DST: variants seen among roughly 807,000 people sequenced by gnomAD.
DST encodes bullous pemphigoid antigen.
A neutral mutation model predicts 875.2 loss-of-function variants in DST; 253 were observed. The observed-to-expected ratio is 0.29, with a 90% CI of 0.26 to 0.32. The LOEUF is 0.32. Among genes scored for constraint, DST ranks in the 10% least tolerant of loss-of-function variants. DST has a pLI of 1.00. For synonymous variants in DST, 3,124 were observed against 3,197.1 expected, an observed-to-expected ratio of 0.98 and a Z score of 0.77; for missense variants, 8,287 against 9,111.6, an observed-to-expected ratio of 0.91 and a Z score of 3.68.
At chr6:56,618,488 A>C (rs1563227746) in intron 36 of DST, 1 of 1,614,106 alleles carries the variant, frequency 6.2e-7, no homozygotes, top group Non-Finnish European at 8.5e-7. Context: ...CTGTTGGTCC[A>C]TTTTTTGCTT....
chr6:56,588,984 G>GACC (rs1312137835), intron 49 of DST, among the ~76,000 whole-genome samples: 5 of 152,148 alleles, frequency 3.3e-5, no homozygotes, highest in Non-Finnish European at 5.9e-5. Context: ...ACTGAATCTA[G>GACC]ACCACAGGGA....
chr6:56,904,373 G>A lies in DST; in HGVS notation c.217-3752C>T, dbSNP rs149847143. ...TATTACTTACTAGGTGTGTGGTCTT[G>A]GCTAAATTACTTCTCTGTGCCTTGC... is the stretch of plus-strand genomic sequence containing the variant. On this transcript the variant is annotated intron_variant, in intron 2 of 103. Coordinates refer to ENST00000680361, the MANE Select transcript of DST (RefSeq NM_001374736.1). Among the ~76,000 whole-genome samples, 263 of 152,222 alleles carry A rather than the reference G, an allele frequency of 1.7e-3. 2 individuals carry two copies. The highest frequency in any genetic ancestry group is 0.014 in the Middle Eastern group (4 of 294).
chr6:56,532,885 T>G (rs952121639), intron 63 of DST, among the ~76,000 whole-genome samples: 1 of 152,222 alleles, frequency 6.6e-6, no homozygotes, highest in Non-Finnish European at 1.5e-5. Context: ...ATTCAACAAC[T>G]ATCTGTCCTG....
Position 56,620,732 on chromosome 6 carries a change from G to T in DST, c.4929+3798C>A, listed in dbSNP as rs756329626. ...CCTTTTAATCTACAAAAGACATTTT[G>T]AAAGTGTCAAGCCTGTTCTGTTCAA... On this transcript the variant is annotated intron_variant, in intron 36 of 103. Coordinates refer to ENST00000680361, the MANE Select transcript of DST (RefSeq NM_001374736.1). The T allele has an allele frequency of 1.7e-5, 27 of 1,602,394 alleles. No individual in the cohort carries two copies. The South Asian group carries it at 3.0e-4, about 18-fold the overall frequency.
chr6:56,853,291 T>C (rs1479433974), intron 3 of DST, among the ~76,000 whole-genome samples: 3 of 152,222 alleles, frequency 2.0e-5, no homozygotes. Flanking sequence ...TTCTGTATTG[T>C]AGCTACAATC....
intron 61 of DST, among the ~76,000 whole-genome samples, chr6:56,550,176 T>G (rs977300482): frequency 6.6e-6 from 1 of 152,204 alleles, no homozygotes; most frequent in African/African-American, 2.4e-5. Context: ...CATAATCATA[T>G]TCTTGTCCTT....
intron 58 of DST, among the ~76,000 whole-genome samples, chr6:56,558,719 T>C (rs2152563601): frequency 6.6e-6 from 1 of 152,262 alleles, no homozygotes; most frequent in Non-Finnish European, 1.5e-5. Context: ...TGAAGACCAT[T>C]GCCTGACATT....
chr6:56,672,920 G>A (rs760614590), intron 9 of DST, among the ~76,000 whole-genome samples: 14 of 152,022 alleles, frequency 9.2e-5, no homozygotes, highest in Non-Finnish European at 2.1e-4. Context: ...GAAAATCTAC[G>A]ATCGCAACGG....
In DST at chr6:56,602,814, A is replaced by G. The variant is rs559418377; in HGVS notation, c.11307+68T>C. ...TAGCCTTAGCAAAGTCATATTTTCT[A>G]AACACTTGTTATATATTAAAGTCAT... is the stretch of plus-strand genomic sequence containing the variant. On this transcript the variant is annotated intron_variant, in intron 43 of 103. Transcript: ENST00000680361. 81 of 1,210,768 alleles carry G rather than the reference A, an allele frequency of 6.7e-5. 1 individual carries two copies. The South Asian group carries it at 1.5e-3, about 23-fold the overall frequency. 75.0% of individuals were successfully genotyped at this position (1,210,768 alleles called of 1,614,324 possible).
intron 9 of DST, among the ~76,000 whole-genome samples, chr6:56,677,344 G>T (rs927029514): frequency 5.9e-5 from 9 of 151,696 alleles, no homozygotes; most frequent in African/African-American, 1.5e-4. Context: ...CTGAGATGGG[G>T]TCTCACTCTG....
At chr6:56,814,696 A>G (rs2099764536) in intron 4 of DST, among the ~76,000 whole-genome samples, 1 of 152,206 alleles carries the variant, frequency 6.6e-6, no homozygotes, top group Admixed American at 6.5e-5. Context: ...AAAAATGAAA[A>G]TGAACTCTCT....
Position 56,568,501 on chromosome 6 carries a change from G to T in DST, c.13973C>A (p.Thr4658Asn). ...SLCNLISAVT[T>N]PAKAIAAVKS... ...AACTGCTGCTATTGCCTTTGCAGGGGTGGTCACAGCACTTATTAAGTTACA... is the reference window on the plus strand; with the variant it reads ...AACTGCTGCTATTGCCTTTGCAGGGTTGGTCACAGCACTTATTAAGTTACA... The change falls in exon 55 of 104, where the codon ACC becomes AAC. Residue 4658 changes from threonine (T) to asparagine (N), a missense_variant. Physicochemically the swap from Thr to Asn is moderately conservative, Grantham distance 65. This residue lies in a region of DST where 1,513 missense variants were observed against 1,677.8 expected (regional missense o/e 0.90). Coordinates refer to ENST00000680361, the MANE Select transcript of DST (RefSeq NM_001374736.1). 6.2e-7 allele frequency: 1 copy of T among 1,610,258 alleles called. No individual in the cohort carries two copies. Among genetic ancestry groups the T allele is most frequent in the African/African-American group, 1.3e-5 (1 of 74,892 alleles).
Position 56,580,910 on chromosome 6 carries a change from T to C in DST, c.12904-1973A>G, listed in dbSNP as rs569697710. ...ACCATGCCCAGCTAATTTTTTTGTA[T>C]TTTTTGTAGAGCCAGGGTTTTGCCA... On this transcript the variant is annotated intron_variant, in intron 49 of 103. Coordinates refer to ENST00000680361, the MANE Select transcript of DST (RefSeq NM_001374736.1). Among the ~76,000 whole-genome samples, 410 of 151,360 alleles carry C rather than the reference T, an allele frequency of 2.7e-3. 1 individual carries two copies. The highest frequency in any genetic ancestry group is 4.4e-3 in the Non-Finnish European group (297 of 67,818).
chr6:56,949,024 C>A (rs1202209868), intron 2 of DST, among the ~76,000 whole-genome samples: 1 of 152,148 alleles, frequency 6.6e-6, no homozygotes, highest in East Asian at 1.9e-4. Flanking sequence ...AGAGCTAGAA[C>A]CCAAAACCAG....
rs1056991443 is a variant in DST, at chr6:56,877,136, C to T, written c.417+23285G>A. On this transcript the variant is annotated intron_variant, in intron 3 of 103. Coordinates refer to ENST00000680361, the MANE Select transcript of DST (RefSeq NM_001374736.1). Reference sequence around the variant, plus strand: ...TAGATACCTGGCTCTGATCAAATGTCACCTTATCAAAGAATGTTCCCTGAC... The same window carrying T: ...TAGATACCTGGCTCTGATCAAATGTTACCTTATCAAAGAATGTTCCCTGAC... Among the ~76,000 whole-genome samples the T allele has an allele frequency of 2.8e-4, 42 of 152,192 alleles. 1 individual carries two copies. The highest frequency in any genetic ancestry group is 2.8e-4 in the Non-Finnish European group (19 of 68,040).
Position 56,861,338 on chromosome 6 carries a change from G to C in DST, c.418-9734C>G, listed in dbSNP as rs144563840. On this transcript the variant is annotated intron_variant, in intron 3 of 103. Coordinates refer to ENST00000680361, the MANE Select transcript of DST (RefSeq NM_001374736.1). ...GAAAACAATTCTGCTGCTACCTTAA[G>C]CTGCACCCAATCGGAACCAGGGATC... Among the ~76,000 whole-genome samples, 8 of 152,300 alleles carry C rather than the reference G, an allele frequency of 5.3e-5. No individual in the cohort carries two copies. The East Asian group carries it at 1.5e-3, about 29-fold the overall frequency.
chr6:56,755,986 T>C (rs550932407), intron 4 of DST, among the ~76,000 whole-genome samples: 1 of 152,340 alleles, frequency 6.6e-6, no homozygotes, highest in African/African-American at 2.4e-5. Flanking sequence ...CTTCCAGCGA[T>C]GACAGCAGAG....
In DST at chr6:56,459,211, T is replaced by C. The variant is rs1322580346; in HGVS notation, c.23251A>G (p.Arg7751Gly). Reference sequence around the variant, plus strand: ...TCACTGCCTCGGCGGCTGCTGGCCCTGCTGCCAGCTTTGCTTCCAGCTCGA... The same window carrying C: ...TCACTGCCTCGGCGGCTGCTGGCCCCGCTGCCAGCTTTGCTTCCAGCTCGA... Reference protein sequence around the residue: ...GSRAGSKAGSRASSRRGSDAS... With the variant: ...GSRAGSKAGSGASSRRGSDAS... The change falls in exon 104 of 104, where the codon AGG becomes GGG. Residue 7751 changes from arginine to glycine, a missense_variant. Arg to Gly is a moderately radical substitution (Grantham distance 125, BLOSUM62 -2). Coordinates refer to ENST00000680361, the MANE Select transcript of DST (RefSeq NM_001374736.1). 1 of 1,613,506 alleles carries C rather than the reference T, an allele frequency of 6.2e-7. No individual in the cohort carries two copies. The highest frequency in any genetic ancestry group is 8.5e-7 in the Non-Finnish European group (1 of 1,179,688).
In DST at chr6:56,555,673, A is replaced by G. The variant is rs369626071; in HGVS notation, c.14808T>C (p.Ser4936=). The change falls in exon 60 of 104, where the codon AGT becomes AGC. Residue 4936 remains serine, a synonymous_variant. Coordinates refer to ENST00000680361, the MANE Select transcript of DST (RefSeq NM_001374736.1). ...QKWDSLTGQL[S]DRCDWIDQAI... ...CTTGGTCAATCCAGTCACATCTGTCACTCAATTGCCCTGTTAGGCTATCCC... is the reference window on the plus strand; with the variant it reads ...CTTGGTCAATCCAGTCACATCTGTCGCTCAATTGCCCTGTTAGGCTATCCC... 1 of 1,613,736 alleles carries G rather than the reference A, an allele frequency of 6.2e-7. No homozygotes were observed. The highest frequency in any genetic ancestry group is 8.5e-7 in the Non-Finnish European group (1 of 1,179,856).
Sources: gnomAD v4.1 joint callset for allele counts (sites outside exome capture counted in the v4.1 genomes callset) on GRCh38, gnomAD v4.1.1 for gene constraint, gnomAD v4.1.1 regional missense constraint, MANE v1.5 for transcripts, NCBI Gene and HGNC (gene_info 2026-07-23, HGNC 2026-07-21) for gene names.